Variants in RSPO2 observed in about 807,000 individuals in gnomAD.
The protein encoded by RSPO2 is R-spondin-2.
Under a neutral mutation model 30.9 loss-of-function variants are expected in RSPO2, and 14 were observed. The ratio of observed to expected loss-of-function variants is 0.45; its 90% CI spans 0.30 to 0.71. The LOEUF (loss-of-function observed/expected upper bound fraction) is 0.71. Among genes scored for constraint, RSPO2 ranks in the 30% least tolerant of loss-of-function variants. The pLI is 0.08. For missense variants in RSPO2, 264 were observed against 301.9 expected (o/e 0.87, Z 0.93); for synonymous variants, 107 against 96.4 (o/e 1.11, Z -0.64).
chr8:107,996,330 A>G (rs1032566782), intron 2 of RSPO2, among the ~76,000 whole-genome samples: 1 of 152,082 alleles, frequency 6.6e-6, no homozygotes, highest in African/African-American at 2.4e-5. Flanking sequence ...CGAAAAAGCC[A>G]CCCCTTTAAC....
intron 3 of RSPO2, chr8:107,983,461 T>C: frequency 6.3e-7 from 1 of 1,598,432 alleles, no homozygotes; most frequent in South Asian, 1.1e-5. Context: ...GAGTCCCCTT[T>C]CTCAGAAGTA....
At chr8:108,039,311 G>A (rs1299097135) in intron 2 of RSPO2, among the ~76,000 whole-genome samples, 1 of 152,082 alleles carries the variant, frequency 6.6e-6, no homozygotes, top group African/African-American at 2.4e-5. Context: ...TTAATTCCCA[G>A]TAATTGAGAA....
chr8:108,048,876 T>A (rs1376098043), intron 2 of RSPO2, among the ~76,000 whole-genome samples: 2 of 152,212 alleles, frequency 1.3e-5, no homozygotes, highest in African/African-American at 4.8e-5. Flanking sequence ...GTGTCTTTGT[T>A]CCCATTGGTT....
intron 2 of RSPO2, among the ~76,000 whole-genome samples, chr8:108,080,038 G>T (rs1444293922): frequency 1.3e-5 from 2 of 152,070 alleles, no homozygotes; most frequent in African/African-American, 2.4e-5. Context: ...ATTGGTGTAG[G>T]ATCAATCAGT....
At chr8:107,903,452 C>T (rs1479083251) in intron 5 of RSPO2, among the ~76,000 whole-genome samples, 1 of 151,996 alleles carries the variant, frequency 6.6e-6, no homozygotes, top group Admixed American at 6.6e-5. Flanking sequence ...TTAAGATGGT[C>T]AATTTCGTTT....
Position 108,061,248 on chromosome 8 carries a change from TAA to T in RSPO2, c.94+21295_94+21296del, listed in dbSNP as rs1205197580. 1.4e-4 allele frequency among the ~76,000 whole-genome samples: 22 copies of T among 151,808 alleles called. 1 individual carries two copies. The highest frequency in any genetic ancestry group is 4.6e-4 in the African/African-American group (19 of 41,170). On this transcript the variant is annotated intron_variant, in intron 2 of 5. Transcript: ENST00000276659. ...AAAAGACACAGACTGGCAAACTGGA[TAA>T]AGAGTCAAGACCCATCAGTGTCCTG...
chr8:107,910,655 A>C (rs1181537553), intron 5 of RSPO2, among the ~76,000 whole-genome samples: 2 of 152,242 alleles, frequency 1.3e-5, no homozygotes, highest in South Asian at 2.1e-4. Context: ...AATCATAAAT[A>C]CATTCCCCAC....
At chr8:108,006,736 A>G (rs1815465767) in intron 2 of RSPO2, among the ~76,000 whole-genome samples, 1 of 152,216 alleles carries the variant, frequency 6.6e-6, no homozygotes, top group Non-Finnish European at 1.5e-5. Flanking sequence ...TAAACACTGT[A>G]TAAACACCTT....
At chr8:107,992,421 G>A (rs1297082922) in intron 2 of RSPO2, among the ~76,000 whole-genome samples, 2 of 152,134 alleles carry the variant, frequency 1.3e-5, no homozygotes, top group African/African-American at 4.8e-5. Context: ...GAGGATGGGA[G>A]GAAGATGAGG....
chr8:108,060,429 A>G (rs1363656708), intron 2 of RSPO2, among the ~76,000 whole-genome samples: 1 of 151,870 alleles, frequency 6.6e-6, no homozygotes. Context: ...GAAAAAGGGT[A>G]TCAGTGATTG....
At chr8:107,998,104 T>G (rs761909432) in intron 2 of RSPO2, among the ~76,000 whole-genome samples, 4 of 152,152 alleles carry the variant, frequency 2.6e-5, no homozygotes, top group Non-Finnish European at 5.9e-5. Flanking sequence ...AATTTTTAAA[T>G]GAACAATTAA....
At chr8:107,919,370 T>G (rs1216968992) in intron 5 of RSPO2, among the ~76,000 whole-genome samples, 5 of 152,176 alleles carry the variant, frequency 3.3e-5, no homozygotes, top group Admixed American at 1.3e-4. Flanking sequence ...AACTTTGGGA[T>G]GAACTTAGTT....
rs891726032 is a variant in RSPO2, at chr8:107,958,012, A to G, written c.616+68T>C. On this transcript the variant is annotated intron_variant, in intron 5 of 5. Coordinates refer to ENST00000276659, the MANE Select transcript of RSPO2 (RefSeq NM_178565.5). The stretch of plus-strand genomic sequence containing the variant: ...AGATAAATACTTATTTTTGGAAGGG[A>G]AGGTGGTTAGGAAGCGGGAGAATTC... 3 of 1,033,616 alleles carry G rather than the reference A, an allele frequency of 2.9e-6. No homozygotes were observed. In the African/African-American group the frequency reaches 4.8e-5, roughly 17 times the overall value. The allele number at this position is 1,033,616 out of a possible 1,614,324, so 64.0% of individuals were successfully genotyped here. A position where few individuals can be genotyped will look rare whatever the true frequency, so the allele number is the denominator to read the frequency against.
chr8:107,905,355 T>TTC (rs1454606662), intron 5 of RSPO2, among the ~76,000 whole-genome samples: 3 of 152,078 alleles, frequency 2.0e-5, no homozygotes, highest in South Asian at 2.1e-4. Context: ...AGATTAAAGC[T>TTC]TCTCTCTATA....
At chr8:108,038,747 T>C (rs1014831930) in intron 2 of RSPO2, among the ~76,000 whole-genome samples, 1 of 151,696 alleles carries the variant, frequency 6.6e-6, no homozygotes, top group Non-Finnish European at 1.5e-5. Flanking sequence ...GCTCAGATGA[T>C]TGTTAGTGGG....
chr8:108,017,252 C>T (rs1192270908), intron 2 of RSPO2, among the ~76,000 whole-genome samples: 5 of 152,078 alleles, frequency 3.3e-5, no homozygotes, highest in Admixed American at 6.5e-5. Flanking sequence ...CTCATGACCT[C>T]GTGATCTGCC....
At chr8:108,015,705 TCCAAACACCGCCCCA>T (rs1194334371) in intron 2 of RSPO2, among the ~76,000 whole-genome samples, 1 of 151,930 alleles carries the variant, frequency 6.6e-6, no homozygotes, top group Non-Finnish European at 1.5e-5. Context: ...TAATTTTCCA[TCCAAACACCGCCCCA>T]CCAGCCCCAC....
chr8:108,076,280 T>C (rs1050870297), intron 2 of RSPO2, among the ~76,000 whole-genome samples: 20 of 152,228 alleles, frequency 1.3e-4, no homozygotes, highest in Non-Finnish European at 1.8e-4. Flanking sequence ...CTGACTGCTA[T>C]AGAAAAGGCT....
chr8:108,065,659 T>TAAA (rs57299718), intron 2 of RSPO2, among the ~76,000 whole-genome samples: 3 of 117,082 alleles, frequency 2.6e-5, no homozygotes, highest in Non-Finnish European at 1.9e-5. Flanking sequence ...GCAGAAGGAA[T>TAAA]AAAAAAAAAA....
Sources: allele counts gnomAD v4.1 joint callset (sites outside exome capture counted in the v4.1 genomes callset), GRCh38; gene constraint gnomAD v4.1.1; transcripts MANE v1.5; gene names NCBI Gene and HGNC (gene_info 2026-07-23, HGNC 2026-07-21).